The following PCSK5 variants were observed in gnomAD, a reference collection of about 807,000 sequenced individuals.
PCSK5 encodes prohormone convertase 5.
A neutral mutation model predicts 233.2 loss-of-function variants in PCSK5; 129 were observed. That is an observed-to-expected ratio of 0.55 (90% CI 0.48 to 0.64). PCSK5 has a LOEUF of 0.64. Ranked by LOEUF, PCSK5 falls within the 30% of genes least tolerant of loss-of-function variation. PCSK5 has a pLI of 0.00. For synonymous variants in PCSK5, 825 were observed against 879.2 expected, an observed-to-expected ratio of 0.94 and a Z score of 1.09; for missense variants, 2,076 against 2,430.1, an observed-to-expected ratio of 0.85 and a Z score of 3.06.
At chr9:76,335,219 G>A (rs1322957723) in intron 34 of PCSK5, among the ~76,000 whole-genome samples, 1 of 152,182 alleles carries the variant, frequency 6.6e-6, no homozygotes, top group African/African-American at 2.4e-5. Context: ...CACAAAAAGG[G>A]TGCTTGATCA....
At chr9:76,059,853 A>C (rs1829963236) in intron 5 of PCSK5, among the ~76,000 whole-genome samples, 1 of 152,204 alleles carries the variant, frequency 6.6e-6, no homozygotes, top group Non-Finnish European at 1.5e-5. Context: ...CCAGAGAAAA[A>C]TAGATTGCCC....
chr9:76,289,359 G>A (rs1262497487), intron 24 of PCSK5, among the ~76,000 whole-genome samples: 1 of 151,868 alleles, frequency 6.6e-6, no homozygotes, highest in Non-Finnish European at 1.5e-5. Flanking sequence ...CAGCTCAAAA[G>A]TTTGACAAAA....
intron 2 of PCSK5, among the ~76,000 whole-genome samples, chr9:75,932,945 G>A (rs1415428335): frequency 6.6e-6 from 1 of 152,162 alleles, no homozygotes; most frequent in Admixed American, 6.5e-5. Flanking sequence ...CACACCATTG[G>A]CAGCCTCAGG....
intron 7 of PCSK5, among the ~76,000 whole-genome samples, chr9:76,077,753 T>C (rs1405160594): frequency 1.3e-5 from 2 of 152,232 alleles, no homozygotes; most frequent in African/African-American, 4.8e-5. Flanking sequence ...TTTTCATGGC[T>C]GTGTAGTATT....
chr9:76,244,563 GTTT>G (rs3077122), intron 24 of PCSK5, among the ~76,000 whole-genome samples: 6 of 66,760 alleles, frequency 9.0e-5, no homozygotes, highest in Admixed American at 1.3e-4. Flanking sequence ...AAATCCTGGG[GTTT>G]TTTTTTTTTT....
intron 5 of PCSK5, among the ~76,000 whole-genome samples, chr9:76,039,907 CA>C (rs1057249526): frequency 1.3e-5 from 2 of 152,190 alleles, no homozygotes; most frequent in African/African-American, 4.8e-5. Context: ...GAAAAAAGAG[CA>C]AATCTCAGGT....
In PCSK5 at chr9:76,361,873, ACT is replaced by A. The variant is rs1218028919; in HGVS notation, c.*2952_*2953del. On this transcript the variant is annotated 3_prime_UTR_variant, in exon 38 of 38. Transcript: ENST00000674117. ...TACAAAAACGAGCAATTTTGCTTAT[ACT>A]GTGTTGTTCATCTTCCTTGTTAATT... is the stretch of plus-strand genomic sequence containing the variant. The A allele has an allele frequency of 6.6e-6, 1 of 152,194 alleles. No individual in the cohort carries two copies. Among genetic ancestry groups the A allele is most frequent in the Non-Finnish European group, 1.5e-5 (1 of 68,038 alleles). 9.4% of individuals were successfully genotyped at this position (152,194 alleles called of 1,614,324 possible).
intron 5 of PCSK5, among the ~76,000 whole-genome samples, chr9:76,040,310 T>G (rs1450741209): frequency 6.7e-6 from 1 of 148,996 alleles, no homozygotes; most frequent in African/African-American, 2.5e-5. Context: ...TCTCACTCCC[T>G]TAGATGTGTT....
rs1158827687 is a variant in PCSK5 at position 76,156,942 on chromosome 9, A to C, written c.1313-103A>C. ...TATTTCTCAAATCATTGCTGGAAAG[A>C]TAGCTAGGATCCCATAGGGTGGTGT... On this transcript the variant is annotated intron_variant, in intron 10 of 37. Transcript: ENST00000674117. 4 of 735,224 alleles carry C rather than the reference A, an allele frequency of 5.4e-6. No individual in the cohort carries two copies. The African/African-American group carries it at 7.0e-5, about 13-fold the overall frequency. 45.5% of individuals were successfully genotyped at this position (735,224 alleles called of 1,614,324 possible). A position where few individuals can be genotyped will look rare whatever the true frequency, so the allele number is the denominator to read the frequency against.
chr9:76,248,102 A>T (rs530915226), intron 24 of PCSK5, among the ~76,000 whole-genome samples: 111 of 151,554 alleles, frequency 7.3e-4, no homozygotes, highest in African/African-American at 2.3e-3. Flanking sequence ...TTTTAAAAAA[A>T]TTTTTTTTTA....
At chr9:75,919,194 G>T (rs1410563421) in intron 1 of PCSK5, among the ~76,000 whole-genome samples, 2 of 152,140 alleles carry the variant, frequency 1.3e-5, no homozygotes, top group Non-Finnish European at 2.9e-5. Context: ...TTTCCAGAAG[G>T]TCATATAAAT....
intron 3 of PCSK5, among the ~76,000 whole-genome samples, chr9:76,007,522 A>G (rs1827530030): frequency 6.6e-6 from 1 of 152,210 alleles, no homozygotes; most frequent in African/African-American, 2.4e-5. Context: ...ATTTTGATAC[A>G]GTAAGAATTA....
In PCSK5 at chr9:75,891,272, C is replaced by G; in HGVS notation, c.91C>G (p.Arg31Gly). 4.6e-6 allele frequency: 7 copies of G among 1,530,126 alleles called. No homozygotes were observed. Among genetic ancestry groups the G allele is most frequent in the Non-Finnish European group, 6.1e-6 (7 of 1,148,740 alleles). The allele number at this position is 1,530,126 out of a possible 1,614,324, so 94.8% of individuals were successfully genotyped here. A position where few individuals can be genotyped will look rare whatever the true frequency, so the allele number is the denominator to read the frequency against. The change falls in exon 1 of 38, where the codon CGG (arginine) becomes GGG (glycine). Residue 31 changes from arginine to glycine, a missense_variant. Physicochemically the swap from Arg to Gly is moderately radical, Grantham distance 125. This residue lies in a region of PCSK5 where 190 missense variants were observed against 216.3 expected (regional missense o/e 0.88). Coordinates refer to ENST00000674117, the MANE Select transcript of PCSK5 (RefSeq NM_001372043.1). ...LLGGCLLPVC[R>G]TRVYTNHWAV... is the part of the protein sequence containing the mutation. ...CGGGGGCTGCCTGCTCCCCGTGTGT[C>G]GGACGCGCGTCTACACCAACCACTG... is the stretch of plus-strand genomic sequence containing the variant.
rs528633311 is a variant in PCSK5 at position 75,894,366 on chromosome 9, A to C, written c.192+2993A>C. ...GGCCAGGGCATTTCTATGGAAAATA[A>C]TAGCTGTGCCTCTTCTGTTAAAAAA... On this transcript the variant is annotated intron_variant, in intron 1 of 37. Coordinates refer to ENST00000674117, the MANE Select transcript of PCSK5 (RefSeq NM_001372043.1). Among the ~76,000 whole-genome samples the C allele has an allele frequency of 2.6e-5, 4 of 152,300 alleles. No homozygotes were observed. The South Asian group carries it at 8.3e-4, about 32-fold the overall frequency.
chr9:76,031,059 A>C (rs1322298692), intron 5 of PCSK5, among the ~76,000 whole-genome samples: 2 of 152,168 alleles, frequency 1.3e-5, no homozygotes, highest in African/African-American at 4.8e-5. Context: ...AGCAGTGCCG[A>C]GGGTATAGAT....
At chr9:76,251,022 C>T (rs1187941942) in intron 24 of PCSK5, among the ~76,000 whole-genome samples, 2 of 152,210 alleles carry the variant, frequency 1.3e-5, no homozygotes, top group Non-Finnish European at 2.9e-5. Flanking sequence ...AATCCCAACA[C>T]TTTGGGAGGC....
At chr9:76,024,048 C>T (rs1828315084) in intron 4 of PCSK5, among the ~76,000 whole-genome samples, 167 bp downstream of exon 4, 1 of 152,194 alleles carries the variant, frequency 6.6e-6, no homozygotes, top group African/African-American at 2.4e-5. Flanking sequence ...ATACAGGAAG[C>T]ATGAGATAAC....
intron 24 of PCSK5, among the ~76,000 whole-genome samples, chr9:76,257,166 A>G (rs1179010128): frequency 6.6e-6 from 1 of 152,198 alleles, no homozygotes; most frequent in Non-Finnish European, 1.5e-5. Flanking sequence ...GGAGGCACTC[A>G]GTAACTATCT....
intron 18 of PCSK5, 147 bp from the exon 19 acceptor site, chr9:76,188,947 C>T: frequency 1.3e-6 from 1 of 752,718 alleles, no homozygotes; most frequent in Non-Finnish European, 2.1e-6. Context: ...ACTTTGAAGG[C>T]TTTTTTCCCA....
Sources: gnomAD v4.1 joint callset for allele counts (sites outside exome capture counted in the v4.1 genomes callset) on GRCh38, gnomAD v4.1.1 for gene constraint, gnomAD v4.1.1 regional missense constraint, MANE v1.5 for transcripts, NCBI Gene and HGNC (gene_info 2026-07-23, HGNC 2026-07-21) for gene names.